The following MAP4K3 variants were observed in gnomAD, a reference collection of about 807,000 sequenced individuals.
MAP4K3 encodes the protein MAPK/ERK kinase kinase kinase 3.
In MAP4K3, 94 loss-of-function variants were observed where a neutral mutation model predicts 143.5. The observed-to-expected ratio is 0.65, with a 90% CI of 0.55 to 0.78. MAP4K3 has a LOEUF of 0.78. MAP4K3 is among the 30% of genes least tolerant of loss of function. MAP4K3 has a pLI of 0.00. For synonymous variants in MAP4K3, 416 were observed against 347.2 expected (o/e 1.20, Z -2.20); for missense variants, 1,077 against 1,068.1 (o/e 1.01, Z -0.12).
chr2:39,427,840 T>G (rs887893541), intron 1 of MAP4K3, among the ~76,000 whole-genome samples: 1 of 152,198 alleles, frequency 6.6e-6, no homozygotes, highest in African/African-American at 2.4e-5. Flanking sequence ...TGGCATTCAT[T>G]TATCTGTATC....
intron 2 of MAP4K3, among the ~76,000 whole-genome samples, chr2:39,372,015 T>C (rs1220085641): frequency 1.3e-5 from 2 of 151,586 alleles, no homozygotes; most frequent in African/African-American, 2.4e-5. Flanking sequence ...TGTTTGCAGA[T>C]TATATGATCT....
At chr2:39,293,515 T>C (rs552237972) in intron 16 of MAP4K3, among the ~76,000 whole-genome samples, 1 of 152,270 alleles carries the variant, frequency 6.6e-6, no homozygotes, top group African/African-American at 2.4e-5. Context: ...TAAATCCTAA[T>C]ATTTATTGAA....
At chr2:39,382,649 A>G (rs1326959206) in intron 1 of MAP4K3, among the ~76,000 whole-genome samples, 2 of 152,240 alleles carry the variant, frequency 1.3e-5, no homozygotes, top group Non-Finnish European at 2.9e-5. Flanking sequence ...AAAATCATAT[A>G]AAGAGTTTAA....
intron 29 of MAP4K3, among the ~76,000 whole-genome samples, chr2:39,259,007 A>G (rs1680454809): frequency 1.0e-5 from 1 of 95,456 alleles, no homozygotes; most frequent in African/African-American, 2.8e-5. Context: ...AAAAATGAAA[A>G]TTGTTTTTTT....
At chr2:39,396,031 G>A (rs1380121984) in intron 1 of MAP4K3, among the ~76,000 whole-genome samples, 1 of 151,972 alleles carries the variant, frequency 6.6e-6, no homozygotes. Flanking sequence ...GGTTTTTGGG[G>A]TTTTTTGTTT....
At chr2:39,257,024 G>A (rs746209103) in intron 31 of MAP4K3, among the ~76,000 whole-genome samples, 11 of 152,132 alleles carry the variant, frequency 7.2e-5, no homozygotes, top group East Asian at 1.9e-4. Flanking sequence ...GATATCCCTC[G>A]AAACTGACTT....
intron 1 of MAP4K3, among the ~76,000 whole-genome samples, chr2:39,417,622 AG>A (rs1667421882): frequency 6.6e-6 from 1 of 152,238 alleles, no homozygotes; most frequent in Admixed American, 6.5e-5. Context: ...ATATCAGTTT[AG>A]CTTAAAACAG....
intron 1 of MAP4K3, among the ~76,000 whole-genome samples, chr2:39,395,036 T>A (rs1666766468): frequency 6.6e-6 from 1 of 152,172 alleles, no homozygotes; most frequent in African/African-American, 2.4e-5. Context: ...CAATTATTTT[T>A]AAGACCAGAT....
At chr2:39,401,458 A>C (rs1314154338) in intron 1 of MAP4K3, among the ~76,000 whole-genome samples, 3 of 152,182 alleles carry the variant, frequency 2.0e-5, no homozygotes, top group Non-Finnish European at 2.9e-5. Flanking sequence ...GGGGAAAATT[A>C]GCTGTAGGCT....
intron 8 of MAP4K3, 36 bp from the exon 9 acceptor site, chr2:39,326,313 T>G: frequency 1.2e-6 from 2 of 1,608,244 alleles, no homozygotes; most frequent in Non-Finnish European, 1.7e-6. Context: ...AAAACTTCTG[T>G]TATATGTTTT....
Position 39,315,289 on chromosome 2 carries a change from CTG to C in MAP4K3, c.997+19_997+20del. ...TTATTTTCTATCATTAAATCATAAA[CTG>C]TGTATAGTATATACTTACAGGTTAT... On this transcript the variant is annotated intron_variant, in intron 13 of 33. Coordinates refer to ENST00000263881, the MANE Select transcript of MAP4K3 (RefSeq NM_003618.4). 6.9e-7 allele frequency: 1 copy of C among 1,455,068 alleles called. No individual in the cohort carries two copies. The allele number at this position is 1,455,068 out of a possible 1,614,324, so 90.1% of individuals were successfully genotyped here. A position where few individuals can be genotyped will look rare whatever the true frequency, so the allele number is the denominator to read the frequency against.
chr2:39,416,095 C>G (rs1013062953), intron 1 of MAP4K3, among the ~76,000 whole-genome samples: 3 of 144,310 alleles, frequency 2.1e-5, no homozygotes, highest in Non-Finnish European at 3.0e-5. Flanking sequence ...CTGGGTAACT[C>G]ATTCAATTAT....
chr2:39,353,347 G>C (rs1446153660), intron 3 of MAP4K3, among the ~76,000 whole-genome samples: 1 of 152,200 alleles, frequency 6.6e-6, no homozygotes, highest in Non-Finnish European at 1.5e-5. Flanking sequence ...AAGAGCAAGA[G>C]AGAGATAAAA....
In MAP4K3 at chr2:39,369,154, C is replaced by A. The variant is rs116792337; in HGVS notation, c.154+8912G>T. Among the ~76,000 whole-genome samples the A allele has an allele frequency of 9.7e-3, 1,467 of 150,902 alleles. 19 individuals are homozygous for A. The highest frequency in any genetic ancestry group is 0.033 in the African/African-American group (1,341 of 40,904). On this transcript the variant is annotated intron_variant, in intron 2 of 33. Transcript: ENST00000263881. ...ACTAACCTGTAAAAACAAACGAAAT[C>A]CCACTGTTTTACAGGGTAAAATCTA...
At chr2:39,376,435 T>C (rs1023283588) in intron 2 of MAP4K3, among the ~76,000 whole-genome samples, 3 of 152,240 alleles carry the variant, frequency 2.0e-5, no homozygotes, top group Non-Finnish European at 2.9e-5. Context: ...AATATACACA[T>C]GGCAGTGTCC....
rs1228306311 is a variant in MAP4K3 at position 39,417,761 on chromosome 2, C to T, written c.96+19131G>A. Among the ~76,000 whole-genome samples, 3 of 152,180 alleles carry T rather than the reference C, an allele frequency of 2.0e-5. No individual in the cohort carries two copies. In the East Asian group the frequency reaches 5.8e-4, roughly 29 times the overall value. On this transcript the variant is annotated intron_variant, in intron 1 of 33. Coordinates refer to ENST00000263881, the MANE Select transcript of MAP4K3 (RefSeq NM_003618.4). ...GAATCAATGACACGCCAACAGCAAA[C>T]ATACTCAGAGCCCAGATCTTGGTAT... is the stretch of plus-strand genomic sequence containing the variant.
chr2:39,384,502 C>T (rs1216724468), intron 1 of MAP4K3, among the ~76,000 whole-genome samples: 7 of 152,228 alleles, frequency 4.6e-5, no homozygotes, highest in Non-Finnish European at 7.3e-5. Context: ...GCTGAGATTG[C>T]GCCACTGCGC....
At chr2:39,330,209 AT>A (rs1008476535) in intron 8 of MAP4K3, among the ~76,000 whole-genome samples, 3 of 152,126 alleles carry the variant, frequency 2.0e-5, no homozygotes, top group Non-Finnish European at 4.4e-5. Context: ...ATAAAAAAAT[AT>A]TTTTTGAGGT....
intron 2 of MAP4K3, among the ~76,000 whole-genome samples, chr2:39,364,886 A>G (rs1487536809): frequency 1.5e-5 from 2 of 137,178 alleles, no homozygotes; most frequent in Admixed American, 7.4e-5. Flanking sequence ...AAAAAAAAAG[A>G]TAATGGGTAG....
Sources: allele counts gnomAD v4.1 joint callset (sites outside exome capture counted in the v4.1 genomes callset), GRCh38; gene constraint gnomAD v4.1.1; transcripts MANE v1.5; gene names NCBI Gene and HGNC (gene_info 2026-07-23, HGNC 2026-07-21).